GPC6: variants seen among roughly 807,000 people sequenced by gnomAD.
GPC6 encodes glypican 6.
In GPC6, 14 loss-of-function variants were observed where a neutral mutation model predicts 55.2. The observed-to-expected ratio is 0.25, with a 90% CI of 0.17 to 0.40. The LOEUF (loss-of-function observed/expected upper bound fraction) is 0.40, where lower values mean the gene tolerates loss of function less well. Among genes scored for constraint, GPC6 ranks in the 10% least tolerant of loss-of-function variants. GPC6 has a pLI of 1.00. For missense variants in GPC6, 641 were observed against 708.5 expected, an observed-to-expected ratio of 0.90 and a Z score of 1.08; for synonymous variants, 278 against 259.6, an observed-to-expected ratio of 1.07 and a Z score of -0.68.
intron 3 of GPC6, among the ~76,000 whole-genome samples, chr13:93,894,627 G>C (rs1385264893): frequency 6.6e-6 from 1 of 152,078 alleles, no homozygotes; most frequent in African/African-American, 2.4e-5. Flanking sequence ...CTCCAAGTTT[G>C]TTTGGCCATT....
At chr13:93,979,759 C>T (rs554607310) in intron 3 of GPC6, among the ~76,000 whole-genome samples, 5 of 152,064 alleles carry the variant, frequency 3.3e-5, no homozygotes, top group Non-Finnish European at 5.9e-5. Flanking sequence ...TTAATAGCTG[C>T]CTCGTATAGG....
intron 3 of GPC6, among the ~76,000 whole-genome samples, chr13:94,024,102 G>GACACACAC (rs140178004): frequency 0.014 from 2,078 of 144,276 alleles, 35 homozygotes; most frequent in Admixed American, 0.044. Flanking sequence ...ACTGTGTATA[G>GACACACAC]ACACACACAC....
At chr13:93,684,885 A>T (rs1007286525) in intron 2 of GPC6, among the ~76,000 whole-genome samples, 1 of 152,194 alleles carries the variant, frequency 6.6e-6, no homozygotes, top group Non-Finnish European at 1.5e-5. Context: ...ATGTAGGACA[A>T]ACAAAATCCT....
At chr13:93,980,496 G>A (rs1243969912) in intron 3 of GPC6, among the ~76,000 whole-genome samples, 1 of 152,136 alleles carries the variant, frequency 6.6e-6, no homozygotes, top group Non-Finnish European at 1.5e-5. Flanking sequence ...ATTGGAAATA[G>A]GGCAGGGCTT....
At chr13:93,926,363 A>C (rs2140350092) in intron 3 of GPC6, among the ~76,000 whole-genome samples, 1 of 152,342 alleles carries the variant, frequency 6.6e-6, no homozygotes, top group South Asian at 2.1e-4. Flanking sequence ...GAAATAGACA[A>C]ATAGTCTTCT....
At chr13:94,001,901 G>A (rs577348133) in intron 3 of GPC6, among the ~76,000 whole-genome samples, 1 of 152,252 alleles carries the variant, frequency 6.6e-6, no homozygotes, top group African/African-American at 2.4e-5. Flanking sequence ...ATGCTGGAGA[G>A]GTTTTAGCAT....
At chr13:94,224,468 A>AT (rs886732835) in intron 4 of GPC6, among the ~76,000 whole-genome samples, 16 of 151,792 alleles carry the variant, frequency 1.1e-4, no homozygotes, top group South Asian at 2.1e-4. Context: ...ATGTCCATGC[A>AT]TTTTTTTTAC....
At chr13:93,632,615 A>ATGTGTG (rs141057605) in intron 2 of GPC6, among the ~76,000 whole-genome samples, 1,587 of 106,324 alleles carry the variant, frequency 0.015, 8 homozygotes, top group Middle Eastern at 0.034. Flanking sequence ...GTGTATATAT[A>ATGTGTG]TGTATATATA....
intron 3 of GPC6, among the ~76,000 whole-genome samples, chr13:93,868,272 G>T (rs537532120): frequency 1.3e-5 from 2 of 151,828 alleles, no homozygotes; most frequent in African/African-American, 4.8e-5. Context: ...TAGCTAGGTT[G>T]TCTGCACACT....
intron 1 of GPC6, among the ~76,000 whole-genome samples, chr13:93,311,165 C>G (rs546147797): frequency 6.6e-6 from 1 of 152,250 alleles, no homozygotes; most frequent in South Asian, 2.1e-4. Flanking sequence ...CTGGGACTCA[C>G]TATGCTTATG....
intron 1 of GPC6, among the ~76,000 whole-genome samples, chr13:93,311,409 G>A (rs2139108877): frequency 6.6e-6 from 1 of 152,156 alleles, no homozygotes; most frequent in Non-Finnish European, 1.5e-5. Flanking sequence ...TGAAGGCCCT[G>A]GACTCATCTT....
At chr13:93,597,387 T>C (rs897819759) in intron 2 of GPC6, among the ~76,000 whole-genome samples, 3 of 152,220 alleles carry the variant, frequency 2.0e-5, no homozygotes, top group African/African-American at 7.2e-5. Context: ...ACATTAGCAC[T>C]GTAAATGTCA....
chr13:93,584,776 C>T (rs998518740), intron 2 of GPC6, among the ~76,000 whole-genome samples: 6 of 150,336 alleles, frequency 4.0e-5, no homozygotes, highest in Non-Finnish European at 5.9e-5. Flanking sequence ...GCAACCTCCA[C>T]CTCCTGGGCT....
At chr13:93,633,554 T>C (rs1879563290) in intron 2 of GPC6, among the ~76,000 whole-genome samples, 1 of 151,954 alleles carries the variant, frequency 6.6e-6, no homozygotes, top group African/African-American at 2.4e-5. Context: ...GAGAATCACT[T>C]GAACCCAGCA....
At chr13:93,366,724 T>C (rs1881263548) in intron 1 of GPC6, among the ~76,000 whole-genome samples, 1 of 152,074 alleles carries the variant, frequency 6.6e-6, no homozygotes, top group African/African-American at 2.4e-5. Flanking sequence ...AGACTTGAAA[T>C]ACAACAGGGA....
chr13:94,214,493 T>G (rs1267394569), intron 4 of GPC6, among the ~76,000 whole-genome samples: 1 of 152,194 alleles, frequency 6.6e-6, no homozygotes, highest in East Asian at 1.9e-4. Flanking sequence ...GAAATCTTAT[T>G]TGAACTGGAG....
chr13:94,384,159 A>T (rs765380430), intron 7 of GPC6, among the ~76,000 whole-genome samples: 25 of 152,244 alleles, frequency 1.6e-4, no homozygotes, highest in Non-Finnish European at 3.1e-4. Context: ...AAGAGCTCTA[A>T]CCATTTCAAA....
intron 1 of GPC6, among the ~76,000 whole-genome samples, chr13:93,283,957 A>G (rs1878031634): frequency 6.6e-6 from 1 of 152,170 alleles, no homozygotes; most frequent in Non-Finnish European, 1.5e-5. Context: ...GAAAACTCAC[A>G]AAGTGGATAA....
chr13:93,369,404 A>T (rs1229720568), intron 1 of GPC6, among the ~76,000 whole-genome samples: 1 of 152,178 alleles, frequency 6.6e-6, no homozygotes, highest in African/African-American at 2.4e-5. Context: ...AAGGATAAGT[A>T]CATCAATAAA....
Sources: gnomAD v4.1 joint callset for allele counts (sites outside exome capture counted in the v4.1 genomes callset) on GRCh38, gnomAD v4.1.1 for gene constraint, MANE v1.5 for transcripts, NCBI Gene and HGNC (gene_info 2026-07-23, HGNC 2026-07-21) for gene names.